Variants in IQCH observed in about 807,000 individuals in gnomAD.
IQCH encodes the protein IQ domain-containing protein H.
IQCH carries 98 observed loss-of-function variants against 117.0 expected under a neutral mutation model. That is an observed-to-expected ratio of 0.84 (90% CI 0.71 to 0.99). The LOEUF is 0.99. IQCH is among the 50% of genes least tolerant of loss of function. IQCH has a pLI of 0.00. For missense variants in IQCH, 1,102 were observed against 1,243.8 expected (o/e 0.89, Z 1.72); for synonymous variants, 412 against 448.2 (o/e 0.92, Z 1.02).
At chr15:67,298,282 C>A (rs1966872327) in intron 4 of IQCH, among the ~76,000 whole-genome samples, 1 of 150,178 alleles carries the variant, frequency 6.7e-6, no homozygotes, top group Non-Finnish European at 1.5e-5. Context: ...GCACTCTCAG[C>A]CTGGGTGACA....
intron 4 of IQCH, among the ~76,000 whole-genome samples, chr15:67,308,735 T>C (rs1967435823): frequency 6.6e-6 from 1 of 152,108 alleles, no homozygotes; most frequent in South Asian, 2.1e-4. Flanking sequence ...GTTGTTGCTA[T>C]TCAGAATGTC....
intron 16 of IQCH, among the ~76,000 whole-genome samples, chr15:67,444,752 G>C (rs1285735701): frequency 6.6e-6 from 1 of 152,186 alleles, no homozygotes; most frequent in African/African-American, 2.4e-5. Context: ...ATGCATATTT[G>C]GGGAGGAATG....
chr15:67,484,911 G>C (rs933175664), intron 18 of IQCH, among the ~76,000 whole-genome samples: 1 of 151,684 alleles, frequency 6.6e-6, no homozygotes, highest in African/African-American at 2.4e-5. Context: ...ATTAAAAAAA[G>C]GTATACTAAA....
At chr15:67,440,837 C>G (rs889519990) in intron 16 of IQCH, among the ~76,000 whole-genome samples, 4 of 151,996 alleles carry the variant, frequency 2.6e-5, no homozygotes, top group Non-Finnish European at 5.9e-5. Context: ...CACCACTCCT[C>G]TTTAACAGTA....
At chr15:67,285,584 G>A (rs1966530231) in intron 4 of IQCH, among the ~76,000 whole-genome samples, 1 of 152,038 alleles carries the variant, frequency 6.6e-6, no homozygotes, top group Non-Finnish European at 1.5e-5. Context: ...TATAGTTTGG[G>A]GTTTTACATT....
chr15:67,362,031 C>T (rs4496076), intron 8 of IQCH, among the ~76,000 whole-genome samples: 71,412 of 151,684 alleles, frequency 0.47, 17,217 homozygotes, highest in Non-Finnish European at 0.52. Context: ...TATAGGAGTA[C>T]AGACCAACTT....
intron 7 of IQCH, among the ~76,000 whole-genome samples, chr15:67,358,207 C>CTTTTTTTTTTCTTTTTTTTTTTTT (rs1969988935): frequency 9.6e-5 from 1 of 10,450 alleles, no homozygotes; most frequent in Non-Finnish European, 1.7e-4. Context: ...ACTTTCTTTT[C>CTTTTTTTTTTCTTTTTTTTTTTTT]TTTTTTTTTT....
rs762746850 is a variant in IQCH at position 67,372,408 on chromosome 15, C to T, written c.1051C>T (p.His351Tyr). 5.6e-6 allele frequency: 9 copies of T among 1,614,098 alleles called. No homozygotes were observed. The highest frequency in any genetic ancestry group is 2.2e-5 in the East Asian group (1 of 44,880). ...DLLSVLEDPA[H>Y]VQMLINLPGQ... ...TCTCTCAGTGTTAGAGGACCCAGCTCATGTCCAAATGCTGATAAATCTTCC... is the reference window on the plus strand; with the variant it reads ...TCTCTCAGTGTTAGAGGACCCAGCTTATGTCCAAATGCTGATAAATCTTCC... The change falls in exon 9 of 21, where the codon CAT (histidine) becomes TAT (tyrosine). Residue 351 changes from histidine to tyrosine, a missense_variant. Physicochemically the swap from His to Tyr is moderately conservative, Grantham distance 83. Transcript: ENST00000335894.
rs1163430005 is a variant in IQCH, at chr15:67,387,099, G to T, written c.1457-1732G>T. Among the ~76,000 whole-genome samples, 1 of 151,988 alleles carries T rather than the reference G, an allele frequency of 6.6e-6. No individual in the cohort carries two copies. The highest frequency in any genetic ancestry group is 1.5e-5 in the Non-Finnish European group (1 of 68,006). On this transcript the variant is annotated intron_variant, in intron 11 of 20. Transcript: ENST00000335894. This position sits in a 1 kb window ranked among gnomAD's most constrained non-coding sequence, Gnocchi z 4.8. ...AACCTCTACTGTAATTTGGTTAGAC[G>T]CTAGTCTCTTCTTCAAAATACAAGA...
In IQCH at chr15:67,282,887, G is replaced by C. The variant is rs563985904; in HGVS notation, c.387+3375G>C. On this transcript the variant is annotated intron_variant, in intron 4 of 20. Coordinates refer to ENST00000335894, the MANE Select transcript of IQCH (RefSeq NM_001031715.3). ...AATTGTAATTAAGAATCGTAATTTA[G>C]AATTGTTTATTAAGCCTCTTTTAAT... Among the ~76,000 whole-genome samples, 23 of 152,090 alleles carry C rather than the reference G, an allele frequency of 1.5e-4. No individual in the cohort carries two copies. In the South Asian group the frequency reaches 4.6e-3, roughly 30 times the overall value.
chr15:67,299,298 G>A (rs968135844), intron 4 of IQCH, among the ~76,000 whole-genome samples: 8 of 151,922 alleles, frequency 5.3e-5, no homozygotes. Flanking sequence ...TTGGGGAGAA[G>A]GGGGGATAGT....
In IQCH at chr15:67,411,893, T is replaced by A. The variant is rs576172980; in HGVS notation, c.2098-5038T>A. ...AAGAGAGAGCAAGAGGCAAGTTACA[T>A]ACTTGGTAGACAAGAATCTCTGGGG... On this transcript the variant is annotated intron_variant, in intron 14 of 20. Transcript: ENST00000335894. The surrounding 1 kb of genome is among the most constrained non-coding windows in gnomAD (Gnocchi z 4.4). Among the ~76,000 whole-genome samples, 13 of 152,354 alleles carry A rather than the reference T, an allele frequency of 8.5e-5. No homozygotes were observed. In the South Asian group the frequency reaches 2.7e-3, roughly 32 times the overall value.
At chr15:67,402,897 T>C (rs771409914) in intron 14 of IQCH, among the ~76,000 whole-genome samples, 3 of 152,244 alleles carry the variant, frequency 2.0e-5, no homozygotes, top group Non-Finnish European at 2.9e-5. Context: ...TTGCATCTTA[T>C]GCAGATATTG....
Position 67,261,414 on chromosome 15 carries a change from T to G in IQCH, c.174+20T>G. The G allele has an allele frequency of 1.3e-6, 2 of 1,565,888 alleles. No homozygotes were observed. The highest frequency in any genetic ancestry group is 1.7e-6 in the Non-Finnish European group (2 of 1,163,196). On this transcript the variant is annotated intron_variant, in intron 2 of 20. Coordinates refer to ENST00000335894, the MANE Select transcript of IQCH (RefSeq NM_001031715.3). ...TTAAGAGTAAGTAGAGCTTTAGATA[T>G]TAAAATACTGGAAGGAGACAAAGCA...
chr15:67,294,534 C>T (rs1369975848), intron 4 of IQCH, among the ~76,000 whole-genome samples: 1 of 152,172 alleles, frequency 6.6e-6, no homozygotes, highest in Non-Finnish European at 1.5e-5. Flanking sequence ...ATAGTCACAG[C>T]TGGCATGTTC....
At chr15:67,486,193 G>A (rs2083474538) in intron 18 of IQCH, among the ~76,000 whole-genome samples, 1 of 151,532 alleles carries the variant, frequency 6.6e-6, no homozygotes, top group Non-Finnish European at 1.5e-5. Flanking sequence ...ACCATGCCTG[G>A]CTAATTTTTT....
intron 4 of IQCH, among the ~76,000 whole-genome samples, chr15:67,325,531 C>T (rs757793387): frequency 8.6e-5 from 13 of 151,984 alleles, no homozygotes; most frequent in Admixed American, 2.0e-4. Context: ...AATGAAAATA[C>T]ACTCACTTTT....
rs541149862 is a variant in IQCH at position 67,297,981 on chromosome 15, T to C, written c.387+18469T>C. ...AATATATTAGGAGCTCAAGCTACTC[T>C]AGGAAAAAAAAATTCTAATAATCTG... On this transcript the variant is annotated intron_variant, in intron 4 of 20. Coordinates refer to ENST00000335894, the MANE Select transcript of IQCH (RefSeq NM_001031715.3). Among the ~76,000 whole-genome samples, 37 of 152,066 alleles carry C rather than the reference T, an allele frequency of 2.4e-4. 1 individual carries two copies. Among genetic ancestry groups the C allele is most frequent in the Middle Eastern group, 6.8e-3 (2 of 294 alleles).
chr15:67,423,083 GGC>G (rs2081790527), intron 16 of IQCH, among the ~76,000 whole-genome samples: 1 of 152,002 alleles, frequency 6.6e-6, no homozygotes, highest in African/African-American at 2.4e-5. Flanking sequence ...TGCCTTCCTG[GGC>G]CCTCCATTGG....
Sources: gnomAD v4.1 joint callset for allele counts (sites outside exome capture counted in the v4.1 genomes callset) on GRCh38, gnomAD v4.1.1 for gene constraint, Gnocchi (gnomAD v3.1) non-coding constraint, MANE v1.5 for transcripts, NCBI Gene and HGNC (gene_info 2026-07-23, HGNC 2026-07-21) for gene names.